EML1: variants seen among roughly 807,000 people sequenced by gnomAD.
EML1 encodes echinoderm microtubule-associated protein-like 1.
EML1 carries 27 observed loss-of-function variants against 110.4 expected under a neutral mutation model. The ratio of observed to expected loss-of-function variants is 0.24; its 90% CI spans 0.18 to 0.34. The LOEUF (loss-of-function observed/expected upper bound fraction) is 0.34, where lower values mean the gene tolerates loss of function less well. EML1 is among the 10% of genes least tolerant of loss of function. The pLI, the probability that EML1 is intolerant of heterozygous loss-of-function variation, is 1.00. For missense variants in EML1, 741 were observed against 1,030.9 expected, an observed-to-expected ratio of 0.72 and a Z score of 3.85; for synonymous variants, 344 against 385.8, an observed-to-expected ratio of 0.89 and a Z score of 1.27.
intron 1 of EML1, among the ~76,000 whole-genome samples, chr14:99,822,871 T>A (rs2058287291): frequency 6.6e-6 from 1 of 152,212 alleles, no homozygotes. Context: ...TGGTTCCCGC[T>A]CAGGCTGCTG....
At chr14:99,801,036 A>T (rs1263628513) in intron 1 of EML1, among the ~76,000 whole-genome samples, 1 of 152,204 alleles carries the variant, frequency 6.6e-6, no homozygotes, top group Admixed American at 6.5e-5. Context: ...GGCCAGATCC[A>T]TGCATTTATC....
At chr14:99,782,161 C>G (rs1354237027) in intron 1 of EML1, among the ~76,000 whole-genome samples, 1 of 152,098 alleles carries the variant, frequency 6.6e-6, no homozygotes, top group East Asian at 1.9e-4. Flanking sequence ...AACCCCTCCA[C>G]CCCCACCACC....
intron 1 of EML1, chr14:99,838,919 G>GTT (rs1555394665): frequency 2.2e-4 from 9 of 41,782 alleles, no homozygotes; most frequent in Admixed American, 1.0e-3. Flanking sequence ...GCGCGCGCGC[G>GTT]TGTGTGTGTG....
At chr14:99,750,325 G>C (rs1595235132) in intron 1 of EML1, among the ~76,000 whole-genome samples, 2 of 152,226 alleles carry the variant, frequency 1.3e-5, no homozygotes, top group African/African-American at 4.8e-5. Flanking sequence ...AGGACTCCAG[G>C]CTCCAGGGAG....
At chr14:99,783,828 T>C (rs913830679) in intron 1 of EML1, among the ~76,000 whole-genome samples, 3 of 152,214 alleles carry the variant, frequency 2.0e-5, no homozygotes, top group Non-Finnish European at 4.4e-5. Context: ...GGCCTAAACC[T>C]GGCTGTCCCA....
At chr14:99,916,024 G>A (rs1342357939) in intron 15 of EML1, among the ~76,000 whole-genome samples, 2 of 152,248 alleles carry the variant, frequency 1.3e-5, no homozygotes, top group Non-Finnish European at 2.9e-5. Flanking sequence ...GCCCGTGATG[G>A]CAGGAAAGGG....
At chr14:99,793,567 G>T in intron 1 of EML1, 24 bp downstream of exon 1, 1 of 1,008,162 alleles carries the variant, frequency 9.9e-7, no homozygotes, top group Non-Finnish European at 1.2e-6. Context: ...GCGCGGGGCC[G>T]GGGCGGCGAG....
chr14:99,891,359 GGA>G, intron 5 of EML1, 132 bp downstream of exon 5: 2 of 1,127,926 alleles, frequency 1.8e-6, no homozygotes, highest in Admixed American at 4.3e-5. Flanking sequence ...AGGCCCAGAT[GGA>G]GCTTTGTACC....
intron 4 of EML1, among the ~76,000 whole-genome samples, chr14:99,887,375 G>C (rs768460668): frequency 3.1e-4 from 47 of 152,136 alleles, no homozygotes; most frequent in Non-Finnish European, 5.1e-4. Context: ...TGTTCACCGG[G>C]GGGGCAAATC....
intron 1 of EML1, among the ~76,000 whole-genome samples, chr14:99,778,384 C>G (rs1437392879): frequency 2.0e-5 from 3 of 152,140 alleles, no homozygotes; most frequent in African/African-American, 7.2e-5. Context: ...GTATCATTCA[C>G]TAAGTCATCC....
chr14:99,919,711 T>C (rs2060098525), intron 16 of EML1, among the ~76,000 whole-genome samples: 1 of 152,226 alleles, frequency 6.6e-6, no homozygotes. Flanking sequence ...CCCGATGCTG[T>C]TGATTTAACA....
intron 17 of EML1, among the ~76,000 whole-genome samples, chr14:99,922,124 T>C (rs916847658): frequency 6.6e-5 from 10 of 152,216 alleles, no homozygotes; most frequent in African/African-American, 2.4e-4. Context: ...TTTATGGATA[T>C]ATACCACATC....
At chr14:99,822,555 G>A (rs1000059448) in intron 1 of EML1, among the ~76,000 whole-genome samples, 1 of 152,164 alleles carries the variant, frequency 6.6e-6, no homozygotes, top group African/African-American at 2.4e-5. Context: ...CACCTTCTCT[G>A]TCTTCCTTTG....
intron 4 of EML1, among the ~76,000 whole-genome samples, chr14:99,884,136 G>T (rs2059434494): frequency 6.6e-6 from 1 of 152,196 alleles, no homozygotes; most frequent in East Asian, 1.9e-4. Context: ...TCAGTGCAGA[G>T]CTGGTCTGCG....
intron 1 of EML1, among the ~76,000 whole-genome samples, chr14:99,819,105 C>T (rs898829998): frequency 6.6e-6 from 1 of 151,994 alleles, no homozygotes; most frequent in African/African-American, 2.4e-5. Flanking sequence ...ATGCACCACC[C>T]TGCTTGGCTA....
chr14:99,895,000 G>A (rs1003283607), intron 6 of EML1, among the ~76,000 whole-genome samples: 7 of 152,184 alleles, frequency 4.6e-5, no homozygotes, highest in Non-Finnish European at 1.0e-4. Context: ...TATCATTCCT[G>A]AACGAAATAG....
In EML1 at chr14:99,841,776, C is replaced by G. The variant is rs188421590; in HGVS notation, c.68-9077C>G. Among the ~76,000 whole-genome samples the G allele has an allele frequency of 3.5e-4, 54 of 152,200 alleles. No individual in the cohort carries two copies. The East Asian group carries it at 5.4e-3, about 15-fold the overall frequency. On this transcript the variant is annotated intron_variant, in intron 1 of 21. Transcript: ENST00000262233. The stretch of plus-strand genomic sequence containing the variant: ...TGATTAAATCTTGTCTACCCTGTGC[C>G]CATAGAGTCAGCATGTGCTGCGAGA...
intron 9 of EML1, among the ~76,000 whole-genome samples, chr14:99,906,332 A>G (rs1315319728): frequency 6.6e-6 from 1 of 152,234 alleles, no homozygotes; most frequent in Non-Finnish European, 1.5e-5. Flanking sequence ...TGGCTACTCC[A>G]TAGACAGAGC....
chr14:99,739,299 C>T (rs1295053593), intron 1 of EML1, among the ~76,000 whole-genome samples: 3 of 152,116 alleles, frequency 2.0e-5, no homozygotes, highest in Non-Finnish European at 2.9e-5. Context: ...CCCTGCCCCA[C>T]ACCTGACGCT....
Sources: allele counts gnomAD v4.1 joint callset (sites outside exome capture counted in the v4.1 genomes callset), GRCh38; gene constraint gnomAD v4.1.1; transcripts MANE v1.5; gene names NCBI Gene and HGNC (gene_info 2026-07-23, HGNC 2026-07-21).